PDCD6IP: variants seen among roughly 807,000 people sequenced by gnomAD.
The protein encoded by PDCD6IP is programmed cell death 6-interacting protein.
Under a neutral mutation model 103.7 loss-of-function variants are expected in PDCD6IP, and 43 were observed. The observed-to-expected ratio is 0.41, with a 90% confidence interval of 0.32 to 0.53. The LOEUF is 0.53. Among genes scored for constraint, PDCD6IP ranks in the 20% least tolerant of loss-of-function variants. The probability of loss-of-function intolerance (pLI) is 0.16; values close to 1 mark genes in which losing one functional copy is unlikely to be tolerated. For synonymous variants in PDCD6IP, 354 were observed against 378.7 expected, an observed-to-expected ratio of 0.93 and a Z score of 0.76; for missense variants, 871 against 1,036.7, an observed-to-expected ratio of 0.84 and a Z score of 2.20.
At chr3:33,841,443 T>A (rs1697469538) in intron 9 of PDCD6IP, among the ~76,000 whole-genome samples, 1 of 136,390 alleles carries the variant, frequency 7.3e-6, no homozygotes, top group South Asian at 2.5e-4. Flanking sequence ...CTTTTTTTTT[T>A]TTTTTTTTTT....
At chr3:33,859,683 T>C (rs893738570) in intron 15 of PDCD6IP, among the ~76,000 whole-genome samples, 3 of 152,224 alleles carry the variant, frequency 2.0e-5, no homozygotes, top group African/African-American at 4.8e-5. Context: ...ATATGCTTTG[T>C]TGTCACATGT....
chr3:33,799,451 A>T (rs1333059678), intron 1 of PDCD6IP: 1 of 153,054 alleles, frequency 6.5e-6, no homozygotes, highest in African/African-American at 2.4e-5. Context: ...TCAGTTCAAA[A>T]TAATCAAATG....
intron 17 of PDCD6IP, 89 bp from the exon 18 acceptor site, chr3:33,866,260 CTT>C (rs1246566805): frequency 1.2e-6 from 1 of 842,820 alleles, no homozygotes; most frequent in Non-Finnish European, 1.7e-6. Context: ...ATAGAAATGA[CTT>C]TCATGAAAAA....
At chr3:33,809,408 T>G (rs1340256247) in intron 1 of PDCD6IP, among the ~76,000 whole-genome samples, 16 of 152,216 alleles carry the variant, frequency 1.1e-4, no homozygotes, top group Admixed American at 1.0e-3. Context: ...GAGCCTATAA[T>G]TTAGTGACTC....
At chr3:33,841,253 C>T (rs957501121) in intron 9 of PDCD6IP, among the ~76,000 whole-genome samples, 1 of 151,810 alleles carries the variant, frequency 6.6e-6, no homozygotes, top group Admixed American at 6.6e-5. Context: ...GTCTCGAATT[C>T]CTGACCTCAG....
chr3:33,805,994 C>A (rs1696588985), intron 1 of PDCD6IP, among the ~76,000 whole-genome samples: 1 of 151,792 alleles, frequency 6.6e-6, no homozygotes, highest in South Asian at 2.1e-4. Context: ...ATCCGCCTGT[C>A]TCGACCTCCC....
rs561738481 is a variant in PDCD6IP, at chr3:33,815,016, A to G, written c.334+1388A>G. Among the ~76,000 whole-genome samples, 4 of 148,088 alleles carry G rather than the reference A, an allele frequency of 2.7e-5. No homozygotes were observed. In the East Asian group the frequency reaches 7.8e-4, roughly 29 times the overall value. ...TTTTATAGTATACATATACATTAAG[A>G]TATGCTATAATATATACTATATACC... On this transcript the variant is annotated intron_variant, in intron 3 of 17. Coordinates refer to ENST00000307296, the MANE Select transcript of PDCD6IP (RefSeq NM_013374.6).
At chr3:33,805,138 C>T (rs569088365) in intron 1 of PDCD6IP, among the ~76,000 whole-genome samples, 3 of 151,982 alleles carry the variant, frequency 2.0e-5, no homozygotes, top group Non-Finnish European at 2.9e-5. Flanking sequence ...GGGTGGATCA[C>T]GAGGTCAGGA....
rs1444413044 is a variant in PDCD6IP at position 33,825,288 on chromosome 3, T to G, written c.564T>G (p.Ser188Arg). ...CTCCAGATACTGTTGGGACCCTCAG[T>G]CTTATTATGCTGGCACAGGCTCAAG... ...DISPDTVGTL[S>R]LIMLAQAQEV... Residue 188 changes from serine to arginine, a missense_variant, in exon 5 of 18, where the codon AGT (serine) becomes AGG (arginine). This residue lies in a region of PDCD6IP where 242 missense variants were observed against 250.7 expected (regional missense o/e 0.97). Transcript: ENST00000307296. 5 of 1,613,424 alleles carry G rather than the reference T, an allele frequency of 3.1e-6. No individual in the cohort carries two copies. The highest frequency in any genetic ancestry group is 4.2e-6 in the Non-Finnish European group (5 of 1,179,884).
In PDCD6IP at chr3:33,866,553, C is replaced by A; in HGVS notation, c.*28C>A. On this transcript the variant is annotated 3_prime_UTR_variant, in exon 18 of 18. Coordinates refer to ENST00000307296, the MANE Select transcript of PDCD6IP (RefSeq NM_013374.6). ...TGTCTGCTCAGCAGCTCAGCTGATTCAGATCAGAGGGAAAGAAATACCAAC... is the reference window on the plus strand; with the variant it reads ...TGTCTGCTCAGCAGCTCAGCTGATTAAGATCAGAGGGAAAGAAATACCAAC... The A allele has an allele frequency of 1.3e-6, 2 of 1,552,238 alleles. No homozygotes were observed. Among genetic ancestry groups the A allele is most frequent in the South Asian group, 1.2e-5 (1 of 80,790 alleles).
At chr3:33,802,526 G>A (rs570462905) in intron 1 of PDCD6IP, among the ~76,000 whole-genome samples, 7 of 139,454 alleles carry the variant, frequency 5.0e-5, no homozygotes, top group Non-Finnish European at 7.7e-5. Flanking sequence ...TTTTGCTCTT[G>A]TTACCCAGGC....
Position 33,798,638 on chromosome 3 carries a change from C to A in PDCD6IP, c.-91C>A, listed in dbSNP as rs1044404663. ...GCGCAAGTCTGTCAGCCAGTCAGTC[C>A]GCCAGTCCGCCAGCCCAGTACCTCT... On this transcript the variant is annotated 5_prime_UTR_variant, in exon 1 of 18. Coordinates refer to ENST00000307296, the MANE Select transcript of PDCD6IP (RefSeq NM_013374.6). The A allele has an allele frequency of 1.9e-5, 23 of 1,228,572 alleles. No individual in the cohort carries two copies. The highest frequency in any genetic ancestry group is 2.3e-5 in the Non-Finnish European group (21 of 905,550). 76.1% of individuals were successfully genotyped at this position (1,228,572 alleles called of 1,614,324 possible).
At chr3:33,822,112 G>A in intron 4 of PDCD6IP, 30 bp downstream of exon 4, 1 of 1,605,996 alleles carries the variant, frequency 6.2e-7, no homozygotes, top group Non-Finnish European at 8.5e-7. Flanking sequence ...CTACAATAAT[G>A]GTCAACACTA....
At chr3:33,836,307 C>G in intron 8 of PDCD6IP, 41 bp downstream of exon 8, 1 of 1,130,094 alleles carries the variant, frequency 8.8e-7, no homozygotes, top group Non-Finnish European at 1.3e-6. Context: ...TCATTTTTCT[C>G]TAGTTTACTC....
chr3:33,802,071 C>T (rs1196381765), intron 1 of PDCD6IP, among the ~76,000 whole-genome samples: 3 of 152,158 alleles, frequency 2.0e-5, no homozygotes, highest in Non-Finnish European at 4.4e-5. Flanking sequence ...GTAGGTAGTT[C>T]TGGTAGCCCA....
At chr3:33,853,076 A>C (rs934242067) in intron 13 of PDCD6IP, among the ~76,000 whole-genome samples, 1 of 152,002 alleles carries the variant, frequency 6.6e-6, no homozygotes, top group Non-Finnish European at 1.5e-5. Context: ...GGCGCCCGCC[A>C]CCACGCCTGG....
chr3:33,845,734 A>G, intron 12 of PDCD6IP, 146 bp downstream of exon 12: 1 of 552,900 alleles, frequency 1.8e-6, no homozygotes, highest in South Asian at 2.9e-5. Context: ...AGTAGTATAT[A>G]GACTGTGTAA....
At chr3:33,846,893 T>G (rs1400279720) in intron 12 of PDCD6IP, among the ~76,000 whole-genome samples, 1 of 152,192 alleles carries the variant, frequency 6.6e-6, no homozygotes, top group African/African-American at 2.4e-5. Flanking sequence ...CTGGGTTACC[T>G]TTAGTGTAGA....
At chr3:33,802,050 A>G (rs1696486574) in intron 1 of PDCD6IP, among the ~76,000 whole-genome samples, 1 of 152,160 alleles carries the variant, frequency 6.6e-6, no homozygotes, top group Admixed American at 6.5e-5. Context: ...TATTTTGTAA[A>G]AAGTTGGCAG....
Sources: allele counts gnomAD v4.1 joint callset (sites outside exome capture counted in the v4.1 genomes callset), GRCh38; gene constraint gnomAD v4.1.1; regional missense constraint gnomAD v4.1.1; transcripts MANE v1.5; gene names NCBI Gene and HGNC (gene_info 2026-07-23, HGNC 2026-07-21).